Variants in TENM3 observed in about 807,000 individuals in gnomAD.
The protein encoded by TENM3 is teneurin transmembrane protein 3.
In TENM3, 63 loss-of-function variants were observed where a neutral mutation model predicts 255.1. That is an observed-to-expected ratio of 0.25 (90% CI 0.20 to 0.30). The LOEUF is 0.30. Ranked by LOEUF, TENM3 falls within the 10% of genes least tolerant of loss-of-function variation. The pLI is 1.00. For synonymous variants in TENM3, 1,306 were observed against 1,322.3 expected (o/e 0.99, Z 0.27); for missense variants, 2,929 against 3,461.1 (o/e 0.85, Z 3.86).
the TENM3 span, among the ~76,000 whole-genome samples, chr4:181,563,441 T>C: frequency 6.6e-6 from 1 of 152,202 alleles, no homozygotes; most frequent in African/African-American, 2.4e-5. Context: ...ACGTAACTAA[T>C]GATATCTTCA....
At chr4:181,633,583 C>G in the TENM3 span, among the ~76,000 whole-genome samples, 3 of 152,056 alleles carry the variant, frequency 2.0e-5, no homozygotes, top group African/African-American at 7.2e-5. Flanking sequence ...TGTTATAGTC[C>G]AGAACTAATC....
the TENM3 span, among the ~76,000 whole-genome samples, chr4:181,796,246 TAGAC>T: frequency 3.3e-5 from 5 of 152,270 alleles, no homozygotes; most frequent in African/African-American, 1.2e-4. Flanking sequence ...AAAAGTGTAT[TAGAC>T]AGCCACTAGG....
chr4:182,721,054 C>T (rs371085909), intron 13 of TENM3, among the ~76,000 whole-genome samples: 1 of 151,762 alleles, frequency 6.6e-6, no homozygotes, highest in Admixed American at 6.6e-5. Context: ...AGGCGTGAGC[C>T]ACCACGCCCG....
At chr4:181,468,789 G>A in the TENM3 span, among the ~76,000 whole-genome samples, 4 of 152,084 alleles carry the variant, frequency 2.6e-5, no homozygotes, top group African/African-American at 7.2e-5. Flanking sequence ...ATTTTTGCTA[G>A]CATTTTGCCT....
chr4:181,486,970 T>C, the TENM3 span, among the ~76,000 whole-genome samples: 2 of 152,180 alleles, frequency 1.3e-5, no homozygotes, highest in Non-Finnish European at 2.9e-5. Context: ...AATTTAAATG[T>C]GACTCATTAT....
chr4:181,485,351 G>A, the TENM3 span, among the ~76,000 whole-genome samples: 7 of 152,140 alleles, frequency 4.6e-5, no homozygotes, highest in Admixed American at 2.0e-4. Flanking sequence ...TTGTGTTCTC[G>A]AAGCTAGAAA....
chr4:182,752,088 A>AAG (rs5864799), intron 20 of TENM3, 56 bp downstream of exon 20: 206 of 1,078,858 alleles, frequency 1.9e-4, no homozygotes, highest in African/African-American at 5.5e-4. Context: ...AAAAAAAAAA[A>AAG]GGGGTTGAAA....
chr4:182,230,708 G>T (rs1756499374), intron 1 of TENM3, among the ~76,000 whole-genome samples: 2 of 151,102 alleles, frequency 1.3e-5, no homozygotes, highest in African/African-American at 2.4e-5. Flanking sequence ...ATCCCCATCA[G>T]ATGGGGAAAT....
chr4:182,087,305 G>A, the TENM3 span, among the ~76,000 whole-genome samples: 7 of 152,170 alleles, frequency 4.6e-5, no homozygotes, highest in Non-Finnish European at 5.9e-5. Flanking sequence ...TTTGTTCAGG[G>A]TTAGTGTGGG....
intron 3 of TENM3, among the ~76,000 whole-genome samples, chr4:182,385,506 C>A (rs941451504): frequency 1.3e-5 from 2 of 152,120 alleles, no homozygotes; most frequent in Non-Finnish European, 2.9e-5. Flanking sequence ...CTCAGGTGAT[C>A]CACCTGCCTC....
chr4:182,398,527 A>T, intron 3 of TENM3, among the ~76,000 whole-genome samples: 1 of 152,206 alleles, frequency 6.6e-6, no homozygotes, highest in East Asian at 1.9e-4. Context: ...ATCAAAGAAA[A>T]GTGAAAAGTG....
chr4:182,214,290 A>C, intron 1 of TENM3, among the ~76,000 whole-genome samples: 1 of 152,170 alleles, frequency 6.6e-6, no homozygotes, highest in African/African-American at 2.4e-5. Flanking sequence ...TCTTCAAGAA[A>C]GCGAAATAAA....
chr4:182,594,254 C>T (rs954646973), intron 3 of TENM3, among the ~76,000 whole-genome samples: 2 of 152,130 alleles, frequency 1.3e-5, no homozygotes, highest in Non-Finnish European at 2.9e-5. Flanking sequence ...ATCTTCCTGC[C>T]TCAACCTCCC....
At chr4:182,623,925 C>T (rs1750552068) in intron 4 of TENM3, among the ~76,000 whole-genome samples, 2 of 152,184 alleles carry the variant, frequency 1.3e-5, no homozygotes, top group South Asian at 4.1e-4. Context: ...AAATTATGCT[C>T]AGGCACAGGA....
At chr4:181,849,949 T>TCTCTCTCACACACACACACACACA in the TENM3 span, among the ~76,000 whole-genome samples, 274 of 65,916 alleles carry the variant, frequency 4.2e-3, 2 homozygotes, top group Non-Finnish European at 5.4e-3. Flanking sequence ...TCTCTCTCTC[T>TCTCTCTCACACACACACACACACA]CACACACACA....
chr4:181,549,531 A>G, the TENM3 span, among the ~76,000 whole-genome samples: 3 of 152,232 alleles, frequency 2.0e-5, no homozygotes, highest in African/African-American at 7.2e-5. Context: ...CAGCCCTTCC[A>G]GGCATGTATG....
chr4:182,616,261 T>C (rs1054484584), intron 4 of TENM3, among the ~76,000 whole-genome samples: 2 of 151,982 alleles, frequency 1.3e-5, no homozygotes, highest in African/African-American at 4.8e-5. Context: ...ATCTCATTGT[T>C]CAATTACCAC....
the TENM3 span, among the ~76,000 whole-genome samples, chr4:181,754,669 G>T: frequency 6.6e-6 from 1 of 152,084 alleles, no homozygotes; most frequent in South Asian, 2.1e-4. Flanking sequence ...TGATTGGGAG[G>T]TGATTATAGA....
the TENM3 span, among the ~76,000 whole-genome samples, chr4:181,746,724 A>G: frequency 6.7e-6 from 1 of 149,834 alleles, no homozygotes; most frequent in African/African-American, 2.4e-5. Flanking sequence ...TATCATACCT[A>G]TCCCTTGAAC....
Sources: gnomAD v4.1 joint callset for allele counts (sites outside exome capture counted in the v4.1 genomes callset) on GRCh38, gnomAD v4.1.1 for gene constraint, MANE v1.5 for transcripts, NCBI Gene and HGNC (gene_info 2026-07-23, HGNC 2026-07-21) for gene names.